The following CACNA1C variants were observed in gnomAD, a reference collection of about 807,000 sequenced individuals.
CACNA1C encodes voltage-dependent L-type calcium channel subunit alpha-1C.
CACNA1C carries 30 observed loss-of-function variants against 229.0 expected under a neutral mutation model. The observed-to-expected ratio is 0.13, with a 90% CI of 0.10 to 0.18. The LOEUF is 0.18. Among genes scored for constraint, CACNA1C ranks in the 10% least tolerant of loss-of-function variants. CACNA1C has a pLI of 1.00. For synonymous variants in CACNA1C, 1,114 were observed against 1,132.5 expected (o/e 0.98, Z 0.33); for missense variants, 1,658 against 2,845.0 (o/e 0.58, Z 9.49).
At chr12:2,211,681 C>G (rs2154338489) in intron 3 of CACNA1C, among the ~76,000 whole-genome samples, 1 of 150,876 alleles carries the variant, frequency 6.6e-6, no homozygotes, top group African/African-American at 2.4e-5. Context: ...TCATTTGGCT[C>G]CTCCTTTCTT....
chr12:2,373,769 A>G (rs1360917174), intron 3 of CACNA1C, among the ~76,000 whole-genome samples: 1 of 152,164 alleles, frequency 6.6e-6, no homozygotes, highest in Non-Finnish European at 1.5e-5. Flanking sequence ...TTGCCTTTCC[A>G]TTAGTGGCGA....
At chr12:1,995,217 A>T (rs1469771630) in intron 1 of CACNA1C, among the ~76,000 whole-genome samples, 2 of 108,554 alleles carry the variant, frequency 1.8e-5, no homozygotes, top group African/African-American at 6.1e-5. Context: ...TTCCATAGTT[A>T]AAAAAAAACC....
chr12:1,995,186 T>C (rs914162010), intron 1 of CACNA1C, among the ~76,000 whole-genome samples: 3 of 151,984 alleles, frequency 2.0e-5, no homozygotes, highest in African/African-American at 7.3e-5. Context: ...CAAAAGAAAA[T>C]ATTTGTATGA....
chr12:2,284,859 A>G (rs115500284), intron 3 of CACNA1C, among the ~76,000 whole-genome samples: 8,040 of 152,296 alleles, frequency 0.053, 266 homozygotes, highest in African/African-American at 0.078. Flanking sequence ...AACTTCTACC[A>G]GTGATCCCCA....
At chr12:2,663,781 G>C (rs537682641) in intron 34 of CACNA1C, among the ~76,000 whole-genome samples, 11 of 136,026 alleles carry the variant, frequency 8.1e-5, no homozygotes, top group Admixed American at 7.9e-4. Flanking sequence ...TCGCTCTGTC[G>C]CCCAGGCTGG....
chr12:1,984,469 T>C (rs2037067261), intron 1 of CACNA1C, among the ~76,000 whole-genome samples: 1 of 152,072 alleles, frequency 6.6e-6, no homozygotes, highest in South Asian at 2.1e-4. Flanking sequence ...TTTTACCACT[T>C]CAAACAGAAT....
Position 2,421,135 on chromosome 12 carries a change from C to G in CACNA1C, c.478-27841C>G, listed in dbSNP as rs115177243. 5.5e-3 allele frequency among the ~76,000 whole-genome samples: 843 copies of G among 152,166 alleles called. 6 individuals are homozygous for G. Among genetic ancestry groups the G allele is most frequent in the African/African-American group, 0.016 (648 of 41,512 alleles). On this transcript the variant is annotated intron_variant, in intron 3 of 46. Transcript: ENST00000399655. ...TTCTCATACTTCCAACCCAAACGTG[C>G]AGAATATTTAAAGCTTAGCAAAAAA...
intron 1 of CACNA1C, among the ~76,000 whole-genome samples, chr12:2,001,818 G>A (rs2042253703): frequency 6.6e-6 from 1 of 152,162 alleles, no homozygotes; most frequent in South Asian, 2.1e-4. Context: ...AGCATTCCCT[G>A]GCCTCTACTC....
At chr12:2,202,473 A>G (rs1478883693) in intron 3 of CACNA1C, among the ~76,000 whole-genome samples, 1 of 152,256 alleles carries the variant, frequency 6.6e-6, no homozygotes, top group East Asian at 1.9e-4. Context: ...CAGCATGAAT[A>G]TTAGATATTT....
Position 2,691,428 on chromosome 12 carries a change from C to T in CACNA1C, c.*229C>T. On this transcript the variant is annotated 3_prime_UTR_variant, in exon 47 of 47. Coordinates refer to ENST00000399655, the MANE Select transcript of CACNA1C (RefSeq NM_000719.7). Reference sequence around the variant, plus strand: ...AGGAGGCGGCGAGGGTCCCGGGGCGCGAGGAAGGCGCCTGCCCTCTCCCAG... The same window carrying T: ...AGGAGGCGGCGAGGGTCCCGGGGCGTGAGGAAGGCGCCTGCCCTCTCCCAG... 2.4e-6 allele frequency: 1 copy of T among 418,510 alleles called. No individual in the cohort carries two copies. The highest frequency in any genetic ancestry group is 4.1e-6 in the Non-Finnish European group (1 of 246,496). 25.9% of individuals were successfully genotyped at this position (418,510 alleles called of 1,614,324 possible). A position where few individuals can be genotyped will look rare whatever the true frequency, so the allele number is the denominator to read the frequency against.
At chr12:1,990,651 T>C (rs150501551) in intron 1 of CACNA1C, among the ~76,000 whole-genome samples, 2 of 152,092 alleles carry the variant, frequency 1.3e-5, no homozygotes, top group Non-Finnish European at 2.9e-5. Context: ...CATAAGCCAA[T>C]GTGAAATGCA....
chr12:2,230,213 G>T (rs989673665), intron 3 of CACNA1C, among the ~76,000 whole-genome samples: 1 of 152,186 alleles, frequency 6.6e-6, no homozygotes, highest in African/African-American at 2.4e-5. Flanking sequence ...CCGCAGCCCG[G>T]GGGGCGGGCC....
chr12:2,321,063 T>C (rs150589154), intron 3 of CACNA1C, among the ~76,000 whole-genome samples: 1,582 of 152,300 alleles, frequency 0.01, 21 homozygotes, highest in Non-Finnish European at 0.016. Flanking sequence ...TGCTGCATTA[T>C]GGAAAATTAA....
chr12:2,119,285 A>G (rs1189152794), intron 2 of CACNA1C, among the ~76,000 whole-genome samples: 2 of 151,922 alleles, frequency 1.3e-5, no homozygotes, highest in Non-Finnish European at 2.9e-5. Context: ...CCGGATCTCC[A>G]CCCCTCTCTG....
At chr12:2,436,376 T>C (rs950460685) in intron 3 of CACNA1C, among the ~76,000 whole-genome samples, 3 of 152,162 alleles carry the variant, frequency 2.0e-5, no homozygotes, top group Non-Finnish European at 2.9e-5. Flanking sequence ...GGGCCTCTTC[T>C]CCGCCTCCTC....
In CACNA1C at chr12:2,346,581, C is replaced by T. The variant is rs2097032540; in HGVS notation, c.478-102395C>T. Among the ~76,000 whole-genome samples, 1 of 152,152 alleles carries T rather than the reference C, an allele frequency of 6.6e-6. No homozygotes were observed. On this transcript the variant is annotated intron_variant, in intron 3 of 46. Coordinates refer to ENST00000399655, the MANE Select transcript of CACNA1C (RefSeq NM_000719.7). This position sits in a 1 kb window ranked among gnomAD's most constrained non-coding sequence, Gnocchi z 4.4. ...GGCTCAGTCACATACTCCCCCATTT[C>T]TCTTAGCCGGCCCCAGTGTGTGTCC...
At chr12:2,052,537 G>A (rs1469315649), upstream of CACNA1C, among the ~76,000 whole-genome samples, 7 of 150,834 alleles carry the variant, frequency 4.6e-5, no homozygotes, top group Non-Finnish European at 3.0e-5. Context: ...GCGGAGGAGA[G>A]AACGCGGGCG....
intron 3 of CACNA1C, among the ~76,000 whole-genome samples, chr12:2,432,265 C>T (rs1428188834): frequency 6.6e-6 from 1 of 152,126 alleles, no homozygotes; most frequent in African/African-American, 2.4e-5. Flanking sequence ...GGCATGTGGT[C>T]GGCAAAGAGG....
chr12:2,440,284 C>T (rs2099208213), intron 3 of CACNA1C, among the ~76,000 whole-genome samples: 1 of 152,142 alleles, frequency 6.6e-6, no homozygotes, highest in Admixed American at 6.5e-5. Flanking sequence ...ATTCCCATTG[C>T]TCCTTCCCCC....
Sources: allele counts gnomAD v4.1 joint callset (sites outside exome capture counted in the v4.1 genomes callset), GRCh38; gene constraint gnomAD v4.1.1; non-coding constraint Gnocchi (gnomAD v3.1); transcripts MANE v1.5; gene names NCBI Gene and HGNC (gene_info 2026-07-23, HGNC 2026-07-21).